The following ZNF804B variants were observed in gnomAD, a reference collection of about 807,000 sequenced individuals.
The protein encoded by ZNF804B is zinc finger protein 804B.
Under a neutral mutation model 101.4 loss-of-function variants are expected in ZNF804B, and 80 were observed. That is an observed-to-expected ratio of 0.79 (90% CI 0.66 to 0.95). The LOEUF is 0.95. Among genes scored for constraint, ZNF804B ranks in the 40% least tolerant of loss-of-function variants. The pLI, the probability that ZNF804B is intolerant of heterozygous loss-of-function variation, is 0.00. For synonymous variants in ZNF804B, 622 were observed against 558.8 expected, an observed-to-expected ratio of 1.11 and a Z score of -1.59; for missense variants, 1,673 against 1,561.9, an observed-to-expected ratio of 1.07 and a Z score of -1.20.
chr7:89,151,510 G>A (rs1443403376), intron 1 of ZNF804B, among the ~76,000 whole-genome samples: 2 of 151,922 alleles, frequency 1.3e-5, no homozygotes, highest in African/African-American at 4.8e-5. Flanking sequence ...AAAATAATTT[G>A]TTTCACTGAG....
intron 1 of ZNF804B, among the ~76,000 whole-genome samples, chr7:88,949,056 C>T (rs55634839): frequency 2.0e-5 from 3 of 151,134 alleles, no homozygotes; most frequent in South Asian, 2.1e-4. Context: ...TTTAAATTAA[C>T]GTCATACATA....
intron 1 of ZNF804B, among the ~76,000 whole-genome samples, chr7:88,782,204 C>T (rs1178750064): frequency 2.6e-5 from 4 of 151,302 alleles, no homozygotes; most frequent in African/African-American, 4.9e-5. Context: ...CAGGGTCACA[C>T]ATCTGTATCT....
intron 1 of ZNF804B, among the ~76,000 whole-genome samples, chr7:88,982,698 T>C (rs929805360): frequency 6.6e-6 from 1 of 152,114 alleles, no homozygotes; most frequent in East Asian, 1.9e-4. Flanking sequence ...ACAATTCTTA[T>C]TCTGAGGTAC....
intron 2 of ZNF804B, among the ~76,000 whole-genome samples, chr7:89,226,118 A>C (rs761120905): frequency 6.6e-6 from 1 of 152,086 alleles, no homozygotes; most frequent in Non-Finnish European, 1.5e-5. Flanking sequence ...GCGTGAAAAA[A>C]AGAATCATAC....
intron 1 of ZNF804B, among the ~76,000 whole-genome samples, chr7:88,786,935 C>T (rs760428294): frequency 1.7e-4 from 26 of 152,022 alleles, no homozygotes; most frequent in Non-Finnish European, 3.4e-4. Flanking sequence ...AAGTTGCTGG[C>T]AGGAAGATGA....
intron 1 of ZNF804B, among the ~76,000 whole-genome samples, chr7:88,765,774 C>T (rs1789972668): frequency 6.6e-6 from 1 of 152,034 alleles, no homozygotes; most frequent in South Asian, 2.1e-4. Context: ...ATCAGGTTTA[C>T]TTAGAGAATA....
At chr7:89,309,289 T>G (rs1001387903) in intron 2 of ZNF804B, among the ~76,000 whole-genome samples, 1 of 152,196 alleles carries the variant, frequency 6.6e-6, no homozygotes, top group African/African-American at 2.4e-5. Context: ...GATGAGGGCC[T>G]CCAGCTGCAT....
intron 2 of ZNF804B, among the ~76,000 whole-genome samples, chr7:89,268,188 A>G (rs1789828175): frequency 6.6e-6 from 1 of 152,156 alleles, no homozygotes; most frequent in Non-Finnish European, 1.5e-5. Flanking sequence ...TGTCTTTGAC[A>G]TTATTCAATG....
intron 2 of ZNF804B, among the ~76,000 whole-genome samples, chr7:89,296,164 T>A (rs974258962): frequency 6.6e-6 from 1 of 152,034 alleles, no homozygotes; most frequent in African/African-American, 2.4e-5. Context: ...TAAATACATA[T>A]GTACATACAT....
chr7:88,844,686 A>G, intron 1 of ZNF804B, among the ~76,000 whole-genome samples: 1 of 152,182 alleles, frequency 6.6e-6, no homozygotes, highest in Admixed American at 6.5e-5. Context: ...TGATTCCTTC[A>G]TGGTAGATTT....
At chr7:89,218,953 A>G (rs1788939151) in intron 2 of ZNF804B, among the ~76,000 whole-genome samples, 1 of 152,060 alleles carries the variant, frequency 6.6e-6, no homozygotes, top group Non-Finnish European at 1.5e-5. Flanking sequence ...GTCAAAGAAA[A>G]TCCACATGTA....
intron 1 of ZNF804B, among the ~76,000 whole-genome samples, chr7:89,191,227 A>G (rs1788451778): frequency 6.6e-6 from 1 of 152,200 alleles, no homozygotes; most frequent in South Asian, 2.1e-4. Context: ...TATTCATATA[A>G]AAGACAAAAT....
chr7:88,871,307 T>C (rs1351727528), intron 1 of ZNF804B, among the ~76,000 whole-genome samples: 1 of 151,994 alleles, frequency 6.6e-6, no homozygotes, highest in Non-Finnish European at 1.5e-5. Context: ...TATGCAGGCA[T>C]ACAAAGGCTC....
At chr7:89,003,900 AG>A (rs1322411813) in intron 1 of ZNF804B, among the ~76,000 whole-genome samples, 1 of 151,958 alleles carries the variant, frequency 6.6e-6, no homozygotes, top group Non-Finnish European at 1.5e-5. Flanking sequence ...GGTAAAATCT[AG>A]CCTGTTTGTG....
intron 2 of ZNF804B, among the ~76,000 whole-genome samples, chr7:89,221,898 A>T (rs1789010647): frequency 6.6e-6 from 1 of 151,964 alleles, no homozygotes; most frequent in Admixed American, 6.6e-5. Context: ...TGAAAAAGCG[A>T]CACATTTGGC....
intron 1 of ZNF804B, among the ~76,000 whole-genome samples, chr7:88,910,244 A>G (rs762610197): frequency 1.8e-4 from 27 of 151,874 alleles, no homozygotes; most frequent in Admixed American, 9.2e-4. Flanking sequence ...AAACTAGGTC[A>G]CTAATAATGT....
intron 1 of ZNF804B, among the ~76,000 whole-genome samples, chr7:88,994,057 A>G (rs1247688127): frequency 6.6e-6 from 1 of 151,980 alleles, no homozygotes; most frequent in Non-Finnish European, 1.5e-5. Flanking sequence ...TCATAAAATC[A>G]GTTTTTCCTT....
At chr7:88,942,018 G>A (rs1021491600) in intron 1 of ZNF804B, among the ~76,000 whole-genome samples, 3 of 151,798 alleles carry the variant, frequency 2.0e-5, no homozygotes, top group Non-Finnish European at 4.4e-5. Context: ...CTAGATGAAG[G>A]AAGCTCTTCC....
intron 2 of ZNF804B, among the ~76,000 whole-genome samples, chr7:89,326,236 T>C (rs801831): frequency 0.18 from 27,573 of 151,934 alleles, 4,337 homozygotes; most frequent in East Asian, 0.69. Context: ...TTCTTGTTCT[T>C]TGTGCTGAGA....
Sources: gnomAD v4.1 joint callset for allele counts (sites outside exome capture counted in the v4.1 genomes callset) on GRCh38, gnomAD v4.1.1 for gene constraint, MANE v1.5 for transcripts, NCBI Gene and HGNC (gene_info 2026-07-23, HGNC 2026-07-21) for gene names.